The following BCOR variants were observed in gnomAD, a reference collection of about 807,000 sequenced individuals.
BCOR encodes the protein BCL6 corepressor, also known as BCL-6 corepressor.
Under a neutral mutation model 86.7 loss-of-function variants are expected in BCOR, and 10 were observed. The ratio of observed to expected loss-of-function variants is 0.12; its 90% CI spans 0.07 to 0.20. The LOEUF is 0.20. BCOR is among the 10% of genes least tolerant of loss of function. The probability of loss-of-function intolerance (pLI) is 1.00; values close to 1 mark genes in which losing one functional copy is unlikely to be tolerated. For missense variants in BCOR, 1,259 were observed against 1,452.1 expected (o/e 0.87, Z 2.16); for synonymous variants, 611 against 609.0 (o/e 1.00, Z -0.05).
At chrX:40,098,766 T>A (rs545922154), upstream of BCOR, among the ~76,000 whole-genome samples, 11 of 111,357 alleles carry the variant, frequency 9.9e-5, no homozygotes, top group South Asian at 4.2e-3. Flanking sequence ...AAAAGCTACC[T>A]GAAAACACCA....
At chrX:40,142,616 C>A (rs1438211168) in intron 1 of BCOR, among the ~76,000 whole-genome samples, 1 of 111,947 alleles carries the variant, frequency 8.9e-6, no homozygotes, top group Non-Finnish European at 1.9e-5. Flanking sequence ...GGCACATGAG[C>A]AATAACTCCG....
At chrX:40,117,720 TC>T (rs1445395058) in intron 1 of BCOR, among the ~76,000 whole-genome samples, 5 of 110,666 alleles carry the variant, frequency 4.5e-5, no homozygotes, top group Non-Finnish European at 7.6e-5. Flanking sequence ...GGACACTCGA[TC>T]CCCTTTCTAA....
intron 1 of BCOR, among the ~76,000 whole-genome samples, chrX:40,170,730 A>G (rs1938603606): frequency 8.9e-6 from 1 of 112,420 alleles, no homozygotes; most frequent in African/African-American, 3.2e-5. Flanking sequence ...TTCTTAGAAC[A>G]TTCCAAAGAT....
chrX:40,077,838 A>G lies in BCOR; in HGVS notation c.86+6T>C, dbSNP rs1253574581. The G allele has an allele frequency of 3.3e-6, 4 of 1,208,510 alleles. No individual in the cohort carries two copies. The highest frequency in any genetic ancestry group is 4.5e-6 in the Non-Finnish European group (4 of 893,239). On this transcript the variant is annotated splice_donor_region_variant and intron_variant, in intron 2 of 14. Transcript: ENST00000378444. Reference sequence around the variant, plus strand: ...ACTCAGGCCCGGCCCAGATGGGCGCATTCACCTGTCTTCGCTCGCCCCACA... The same window carrying G: ...ACTCAGGCCCGGCCCAGATGGGCGCGTTCACCTGTCTTCGCTCGCCCCACA...
intron 10 of BCOR, 84 bp from the exon 11 acceptor site, chrX:40,057,405 T>C (rs762969297): frequency 2.5e-5 from 25 of 1,011,460 alleles, no homozygotes; most frequent in Non-Finnish European, 3.2e-5. Context: ...TTCAAAGACA[T>C]ACACCCTCAG....
chrX:40,121,595 C>G lies in BCOR; in HGVS notation c.-40-43626G>C, dbSNP rs184223266. Among the ~76,000 whole-genome samples, 9 of 113,009 alleles carry G rather than the reference C, an allele frequency of 8.0e-5. No homozygotes were observed. The East Asian group carries it at 2.5e-3, about 31-fold the overall frequency. On this transcript the variant is annotated intron_variant, in intron 1 of 14. Transcript: ENST00000342274. ...AGGTCCTTATCCTATGGGAGATGGA[C>G]CATAAACAGAGCAAATAAGGTAACT... is the stretch of plus-strand genomic sequence containing the variant.
Position 40,154,589 on chromosome X carries a change from C to A in BCOR, c.-41+22418G>T, listed in dbSNP as rs1055095095. On this transcript the variant is annotated intron_variant, in intron 1 of 14. Coordinates refer to the BCOR transcript ENST00000342274. ...CCTCGGCTTTTCTCTACGTCCCCCCCACCCCACCTTTCTCCAGTTTCCAAA... is the reference window on the plus strand; with the variant it reads ...CCTCGGCTTTTCTCTACGTCCCCCCAACCCCACCTTTCTCCAGTTTCCAAA... Among the ~76,000 whole-genome samples, 7 of 109,300 alleles carry A rather than the reference C, an allele frequency of 6.4e-5. No individual in the cohort carries two copies. In the East Asian group the frequency reaches 1.4e-3, roughly 23 times the overall value. The allele number at this position is 109,300 out of a possible 115,157, so 94.9% of individuals were successfully genotyped here.
At chrX:40,129,480 C>CA (rs35466160) in intron 1 of BCOR, among the ~76,000 whole-genome samples, 122 of 89,272 alleles carry the variant, frequency 1.4e-3, no homozygotes, top group Middle Eastern at 6.1e-3. Context: ...GACTCCGTCT[C>CA]AAAAAAAAAA....
chrX:40,146,858 T>C (rs1938068600), intron 1 of BCOR, among the ~76,000 whole-genome samples: 1 of 112,171 alleles, frequency 8.9e-6, no homozygotes, highest in Admixed American at 9.3e-5. Context: ...CAAGCCTTCC[T>C]GGCCTCCCCG....
chrX:40,107,358 G>C (rs943292704), intron 1 of BCOR, among the ~76,000 whole-genome samples: 2 of 111,308 alleles, frequency 1.8e-5, no homozygotes, highest in African/African-American at 6.5e-5. Flanking sequence ...CAGGTCCCTC[G>C]GTCCAGGAGA....
chrX:40,078,734 G>A (rs1332750283), intron 1 of BCOR, among the ~76,000 whole-genome samples: 3 of 111,917 alleles, frequency 2.7e-5, no homozygotes, highest in African/African-American at 6.5e-5. Flanking sequence ...GCTCCAAGCC[G>A]CTGGCACATG....
intron 1 of BCOR, among the ~76,000 whole-genome samples, chrX:40,154,229 G>GCCTGC (rs1250756749): frequency 3.6e-5 from 4 of 112,115 alleles, no homozygotes; most frequent in African/African-American, 1.3e-4. Flanking sequence ...CTCTCGCCTG[G>GCCTGC]CCTGCCCGCC....
At chrX:40,113,759 A>G (rs1171587030) in intron 1 of BCOR, among the ~76,000 whole-genome samples, 1 of 112,106 alleles carries the variant, frequency 8.9e-6, no homozygotes, top group Non-Finnish European at 1.9e-5. Flanking sequence ...ATATTGATGA[A>G]AAAAAAATCT....
At chrX:40,118,429 A>C (rs1937431018) in intron 1 of BCOR, among the ~76,000 whole-genome samples, 1 of 107,198 alleles carries the variant, frequency 9.3e-6, no homozygotes, top group South Asian at 4.1e-4. Context: ...CACCTGGCTA[A>C]TTTTTTTTTG....
intron 1 of BCOR, among the ~76,000 whole-genome samples, chrX:40,081,266 G>A (rs181048670): frequency 1.5e-3 from 162 of 111,486 alleles, no homozygotes; most frequent in Middle Eastern, 4.6e-3. Flanking sequence ...AAGGCCATAC[G>A]GCTCACACCA....
Position 40,064,477 on chromosome X carries a change from C to T in BCOR, c.3361G>A (p.Ala1121Thr), listed in dbSNP as rs1935094784. The T allele has an allele frequency of 1.6e-6, 2 of 1,212,437 alleles. No individual in the cohort carries two copies. Among genetic ancestry groups the T allele is most frequent in the East Asian group, 5.9e-5 (2 of 33,861 alleles). The change falls in exon 7 of 15, where the codon GCC becomes ACC. Residue 1121 changes from alanine (A) to threonine (T), a missense_variant. By Grantham distance (58) the Ala-to-Thr change is moderately conservative. Transcript: ENST00000378444. The stretch of plus-strand genomic sequence containing the variant: ...GTGGGGCTGTGAGGCATGTCCGAGG[C>T]CACCTGGTCTGCGGGAGGCTCGCTC... Reference protein sequence around the residue: ...PVSEPPADQVASDMPHSPTLR... With the variant: ...PVSEPPADQVTSDMPHSPTLR...
At chrX:40,164,544 A>T (rs185893722) in intron 1 of BCOR, among the ~76,000 whole-genome samples, 51 of 111,373 alleles carry the variant, frequency 4.6e-4, no homozygotes, top group African/African-American at 1.6e-3. Context: ...CTCAAATCTG[A>T]TCTCACATTT....
chrX:40,116,531 T>C (rs1937398792), intron 1 of BCOR, among the ~76,000 whole-genome samples: 1 of 110,863 alleles, frequency 9.0e-6, no homozygotes, highest in Admixed American at 9.6e-5. Flanking sequence ...AAAGGTACTA[T>C]TATTATTCCC....
chrX:40,098,409 C>A (rs1453417601), upstream of BCOR, among the ~76,000 whole-genome samples: 1 of 110,681 alleles, frequency 9.0e-6, no homozygotes, highest in East Asian at 2.9e-4. Flanking sequence ...CTGGGCGAGC[C>A]GGAGACCGAC....
Sources: gnomAD v4.1 joint callset for allele counts (sites outside exome capture counted in the v4.1 genomes callset) on GRCh38, gnomAD v4.1.1 for gene constraint, MANE v1.5 for transcripts, NCBI Gene and HGNC (gene_info 2026-07-23, HGNC 2026-07-21) for gene names.